SGMS1: variants seen among roughly 807,000 people sequenced by gnomAD.
SGMS1 encodes phosphatidylcholine:ceramide cholinephosphotransferase 1.
In SGMS1, 13 loss-of-function variants were observed where a neutral mutation model predicts 46.2. The ratio of observed to expected loss-of-function variants is 0.28; its 90% CI spans 0.18 to 0.45. The LOEUF (loss-of-function observed/expected upper bound fraction) is 0.45, where lower values mean the gene tolerates loss of function less well. Among genes scored for constraint, SGMS1 ranks in the 20% least tolerant of loss-of-function variants. The probability of loss-of-function intolerance (pLI) is 1.00; values close to 1 mark genes in which losing one functional copy is unlikely to be tolerated. For synonymous variants in SGMS1, 203 were observed against 187.8 expected (o/e 1.08, Z -0.66); for missense variants, 324 against 519.9 (o/e 0.62, Z 3.66).
chr10:50,379,373 T>C (rs551056060), intron 6 of SGMS1, among the ~76,000 whole-genome samples: 2 of 152,274 alleles, frequency 1.3e-5, no homozygotes, highest in African/African-American at 4.8e-5. Context: ...AACATATCTG[T>C]GACGTAGAAA....
intron 2 of SGMS1, among the ~76,000 whole-genome samples, chr10:50,554,801 T>C (rs1411520706): frequency 1.3e-5 from 2 of 152,250 alleles, no homozygotes; most frequent in South Asian, 2.1e-4. Context: ...TACATCACTA[T>C]GTATTCTTTT....
chr10:50,343,618 T>A lies in SGMS1; in HGVS notation c.497A>T (p.Gln166Leu). ...VHERVPPKEVQPPLPDTFFDH... is the reference protein window; with the variant it reads ...VHERVPPKEVLPPLPDTFFDH... Reference sequence around the variant, plus strand: ...AAAAAATGTGTCCGGTAGTGGAGGCTGCACCTCCTTAGGAGGTACTCGTTC... The same window carrying A: ...AAAAAATGTGTCCGGTAGTGGAGGCAGCACCTCCTTAGGAGGTACTCGTTC... Residue 166 changes from glutamine to leucine, a missense_variant, in exon 7 of 11, where the codon CAG becomes CTG. Transcript: ENST00000361781. The A allele has an allele frequency of 6.2e-7, 1 of 1,614,120 alleles. No homozygotes were observed. Among genetic ancestry groups the A allele is most frequent in the Non-Finnish European group, 8.5e-7 (1 of 1,180,018 alleles).
At chr10:50,500,037 A>G (rs530412705) in intron 3 of SGMS1, among the ~76,000 whole-genome samples, 1 of 152,282 alleles carries the variant, frequency 6.6e-6, no homozygotes, top group African/African-American at 2.4e-5. Context: ...GTGTGGTAGC[A>G]TGTGCCTGTA....
At chr10:50,596,788 TA>T (rs1440263385) in intron 1 of SGMS1, among the ~76,000 whole-genome samples, 1 of 152,182 alleles carries the variant, frequency 6.6e-6, no homozygotes, top group African/African-American at 2.4e-5. Context: ...CATTCTCTCT[TA>T]AAACCCCTCA....
At chr10:50,582,049 A>G (rs1838439857) in intron 2 of SGMS1, among the ~76,000 whole-genome samples, 1 of 152,248 alleles carries the variant, frequency 6.6e-6, no homozygotes, top group Non-Finnish European at 1.5e-5. Context: ...CTGGCCCTCC[A>G]GCAAGCTTTG....
At chr10:50,413,040 CT>C (rs1328514615) in intron 6 of SGMS1, among the ~76,000 whole-genome samples, 2 of 152,070 alleles carry the variant, frequency 1.3e-5, no homozygotes, top group African/African-American at 4.8e-5. Context: ...ATATATCCTC[CT>C]TCCAAATCTT....
intron 6 of SGMS1, among the ~76,000 whole-genome samples, chr10:50,355,932 T>C (rs1350724644): frequency 2.5e-4 from 38 of 151,852 alleles, no homozygotes. Context: ...CGCCACCCTG[T>C]CTGGGAGGTA....
intron 6 of SGMS1, among the ~76,000 whole-genome samples, chr10:50,352,704 C>A (rs1305203752): frequency 6.6e-6 from 1 of 152,060 alleles, no homozygotes; most frequent in African/African-American, 2.4e-5. Context: ...GAAATAGATT[C>A]AATAGTCTCA....
intron 1 of SGMS1, among the ~76,000 whole-genome samples, chr10:50,594,096 T>A (rs1287402169): frequency 6.6e-6 from 1 of 152,254 alleles, no homozygotes; most frequent in Non-Finnish European, 1.5e-5. Context: ...ATAAGAGGCA[T>A]GCTTGTTTTG....
At chr10:50,462,153 T>C (rs1837273306) in intron 4 of SGMS1, among the ~76,000 whole-genome samples, 1 of 152,028 alleles carries the variant, frequency 6.6e-6, no homozygotes, top group Non-Finnish European at 1.5e-5. Flanking sequence ...TCTCAGCTAC[T>C]TGGGAGGATG....
chr10:50,476,070 T>G (rs942027675), intron 3 of SGMS1, among the ~76,000 whole-genome samples: 3 of 100,868 alleles, frequency 3.0e-5, no homozygotes, highest in Non-Finnish European at 5.5e-5. Context: ...TGGCCAACAC[T>G]GTAAAATCTT....
chr10:50,407,723 T>C (rs1197185042), intron 6 of SGMS1, among the ~76,000 whole-genome samples: 1 of 152,212 alleles, frequency 6.6e-6, no homozygotes, highest in Non-Finnish European at 1.5e-5. Flanking sequence ...TCACTGTGTC[T>C]ACTCTTGAAA....
intron 2 of SGMS1, among the ~76,000 whole-genome samples, chr10:50,550,832 A>G (rs1179563577): frequency 6.6e-6 from 1 of 152,252 alleles, no homozygotes; most frequent in Middle Eastern, 3.2e-3. Flanking sequence ...CACACACTGT[A>G]AGAACTCCCG....
At chr10:50,556,744 G>A (rs976094359) in intron 2 of SGMS1, among the ~76,000 whole-genome samples, 6 of 152,212 alleles carry the variant, frequency 3.9e-5, no homozygotes, top group African/African-American at 1.4e-4. Context: ...AGGTTTTGCA[G>A]AATCCCTAGA....
chr10:50,564,744 T>A (rs1000586648), intron 2 of SGMS1, among the ~76,000 whole-genome samples: 11 of 151,940 alleles, frequency 7.2e-5, no homozygotes, highest in African/African-American at 2.7e-4. Context: ...CAATGGCAGA[T>A]AATCAGATTA....
intron 6 of SGMS1, among the ~76,000 whole-genome samples, chr10:50,354,803 AAAG>A (rs1252215377): frequency 6.6e-6 from 1 of 152,260 alleles, no homozygotes; most frequent in Non-Finnish European, 1.5e-5. Context: ...ACACTTCTCA[AAAG>A]AAGACATTTA....
At chr10:50,320,971 AGAAGGCGC>A (rs1169409287) in intron 8 of SGMS1, among the ~76,000 whole-genome samples, 1 of 152,218 alleles carries the variant, frequency 6.6e-6, no homozygotes, top group African/African-American at 2.4e-5. Flanking sequence ...GCCCAGAGGG[AGAAGGCGC>A]TTGTCTTATA....
intron 2 of SGMS1, among the ~76,000 whole-genome samples, chr10:50,574,961 G>GTATATATATATATATATATATATA (rs1491469065): frequency 0.034 from 1,530 of 44,444 alleles, 125 homozygotes; most frequent in Admixed American, 0.046. Flanking sequence ...GGAAAATGTG[G>GTATATATATATATATATATATATA]TGTATATATA....
intron 2 of SGMS1, among the ~76,000 whole-genome samples, chr10:50,577,835 T>C (rs956769325): frequency 6.6e-6 from 1 of 152,198 alleles, no homozygotes; most frequent in African/African-American, 2.4e-5. Context: ...CCTTTCCCAG[T>C]GGTGAAGTTA....
Sources: allele counts gnomAD v4.1 joint callset (sites outside exome capture counted in the v4.1 genomes callset), GRCh38; gene constraint gnomAD v4.1.1; transcripts MANE v1.5; gene names NCBI Gene and HGNC (gene_info 2026-07-23, HGNC 2026-07-21).